The following ZNF12 variants were observed in gnomAD, a reference collection of about 807,000 sequenced individuals.
ZNF12 encodes gonadotropin inducible transcription repressor 3.
In ZNF12, 34 loss-of-function variants were observed where a neutral mutation model predicts 66.6. That is an observed-to-expected ratio of 0.51 (90% CI 0.39 to 0.68). The LOEUF (loss-of-function observed/expected upper bound fraction) is 0.68, where lower values mean the gene tolerates loss of function less well. Ranked by LOEUF, ZNF12 falls within the 30% of genes least tolerant of loss-of-function variation. ZNF12 has a pLI of 0.00. For missense variants in ZNF12, 697 were observed against 826.9 expected, an observed-to-expected ratio of 0.84 and a Z score of 1.93; for synonymous variants, 320 against 278.9, an observed-to-expected ratio of 1.15 and a Z score of -1.47.
At position 6,705,899 on chromosome 7, in the gene ZNF12, C is replaced by T. The variant is rs1780347669; in HGVS notation, c.-51+533G>A. Among the ~76,000 whole-genome samples the T allele has an allele frequency of 6.6e-6, 1 of 152,114 alleles. No homozygotes were observed. The highest frequency in any genetic ancestry group is 2.4e-5 in the African/African-American group (1 of 41,402). ...ACTTCAGTGTGCTACTCAAAAGGATCTTTTATTGAAGAACTTACGCTCACT... is the reference window on the plus strand; with the variant it reads ...ACTTCAGTGTGCTACTCAAAAGGATTTTTTATTGAAGAACTTACGCTCACT... On this transcript the variant is annotated intron_variant, in intron 1 of 4. Transcript: ENST00000405858. The surrounding 1 kb of genome is among the most constrained non-coding windows in gnomAD (Gnocchi z 4.0).
rs1161841091 is a variant in ZNF12 at position 6,696,854 on chromosome 7, G to C, written c.238+485C>G. The stretch of plus-strand genomic sequence containing the variant: ...GAAGCACAGGTGCACATGACAAGTA[G>C]CAGGATCCACTGGCTTAGGCACAGG... On this transcript the variant is annotated intron_variant, in intron 4 of 4. Transcript: ENST00000405858. The surrounding 1 kb of genome is among the most constrained non-coding windows in gnomAD (Gnocchi z 4.0). 2.0e-5 allele frequency among the ~76,000 whole-genome samples: 3 copies of C among 152,024 alleles called. No individual in the cohort carries two copies. Among genetic ancestry groups the C allele is most frequent in the African/African-American group, 7.2e-5 (3 of 41,388 alleles).
Position 6,706,650 on chromosome 7 carries a change from CG to C in ZNF12, c.-270del. On this transcript the variant is annotated 5_prime_UTR_variant, in exon 1 of 5. Coordinates refer to ENST00000405858, the MANE Select transcript of ZNF12 (RefSeq NM_016265.4). ...CCTGGGGCTCACCGTCCTGCGGAGC[CG>C]GGGCCGGGCCGTCGAGGACGCACAC... The C allele has an allele frequency of 2.7e-6, 1 of 373,380 alleles. No homozygotes were observed. The highest frequency in any genetic ancestry group is 1.9e-5 in the South Asian group (1 of 53,210). 23.1% of individuals were successfully genotyped at this position (373,380 alleles called of 1,614,324 possible). A position where few individuals can be genotyped will look rare whatever the true frequency, so the allele number is the denominator to read the frequency against.
Position 6,705,313 on chromosome 7 carries a change from C to A in ZNF12, c.-50-90G>T. 2.2e-6 allele frequency: 2 copies of A among 917,894 alleles called. No individual in the cohort carries two copies. The highest frequency in any genetic ancestry group is 1.5e-5 in the South Asian group (1 of 67,228). 56.9% of individuals were successfully genotyped at this position (917,894 alleles called of 1,614,324 possible). On this transcript the variant is annotated intron_variant, in intron 1 of 4. Coordinates refer to ENST00000405858, the MANE Select transcript of ZNF12 (RefSeq NM_016265.4). The surrounding 1 kb of genome is among the most constrained non-coding windows in gnomAD (Gnocchi z 4.0). The stretch of plus-strand genomic sequence containing the variant: ...CGCCCAAAACCTACACAGAAAGTTC[C>A]AAGAAGTACATCTTGTGGGAGACTG...
chr7:6,690,881 A>G lies in ZNF12; in HGVS notation c.2061T>C (p.Asn687=), dbSNP rs758207337. 6.2e-7 allele frequency: 1 copy of G among 1,613,502 alleles called. No individual in the cohort carries two copies. Residue 687 remains asparagine, a synonymous_variant, in exon 5 of 5, where the codon AAT becomes AAC. Coordinates refer to ENST00000405858, the MANE Select transcript of ZNF12 (RefSeq NM_016265.4). ...GCCTTCCCACATCTATTACATTCATATTGCCTCTCCTATGAATTCTCTGAT... is the reference window on the plus strand; with the variant it reads ...GCCTTCCCACATCTATTACATTCATGTTGCCTCTCCTATGAATTCTCTGAT... ...NSHQRIHRRG[N]MNVIDVGRLL
At chr7:6,695,969 A>C (rs960697403) in intron 4 of ZNF12, among the ~76,000 whole-genome samples, 3 of 152,234 alleles carry the variant, frequency 2.0e-5, no homozygotes, top group African/African-American at 4.8e-5. Flanking sequence ...AGTTTTGGGG[A>C]AACAACAGAA....
rs139300170 is a variant in ZNF12, at chr7:6,698,430, C to T, written c.16-619G>A. ...AGGCCTCTCTCCTAAATTCCAGACA[C>T]ATATGTCCCAGATGGCAAACTCAAC... is the stretch of plus-strand genomic sequence containing the variant. On this transcript the variant is annotated intron_variant, in intron 2 of 4. Transcript: ENST00000405858. The surrounding 1 kb of genome is among the most constrained non-coding windows in gnomAD (Gnocchi z 4.4). Among the ~76,000 whole-genome samples the T allele has an allele frequency of 3.4e-3, 513 of 152,318 alleles. No individual in the cohort carries two copies. The highest frequency in any genetic ancestry group is 0.012 in the African/African-American group (479 of 41,560).
At chr7:6,699,597 C>T (rs1780203456) in intron 2 of ZNF12, among the ~76,000 whole-genome samples, 1 of 152,202 alleles carries the variant, frequency 6.6e-6, no homozygotes, top group Admixed American at 6.5e-5. Flanking sequence ...CGTCATCCAC[C>T]ATGAGGATCG....
In ZNF12 at chr7:6,690,863, C is replaced by G. The variant is rs754399735; in HGVS notation, c.2079G>C (p.Val693=). The change falls in exon 5 of 5, where the codon GTG becomes GTC. Residue 693 remains valine, a synonymous_variant. Transcript: ENST00000405858. The stretch of plus-strand genomic sequence containing the variant: ...AGGTCTGACTTCAGAGAAGCCTTCC[C>G]ACATCTATTACATTCATATTGCCTC... ...HRRGNMNVID[V]GRLL The G allele has an allele frequency of 1.9e-6, 3 of 1,609,910 alleles. No homozygotes were observed. Among genetic ancestry groups the G allele is most frequent in the Non-Finnish European group, 1.7e-6 (2 of 1,177,824 alleles).
chr7:6,689,281 A>G lies in ZNF12; in HGVS notation c.*1567T>C, dbSNP rs1411482024. ...CAGTATTTCTGCTCAGGCCATGATT[A>G]AACTATAATCCATTGCTGAAAGATG... On this transcript the variant is annotated 3_prime_UTR_variant, in exon 5 of 5. Coordinates refer to ENST00000405858, the MANE Select transcript of ZNF12 (RefSeq NM_016265.4). 1.3e-5 allele frequency: 2 copies of G among 152,238 alleles called. No individual in the cohort carries two copies. The highest frequency in any genetic ancestry group is 4.8e-5 in the African/African-American group (2 of 41,464). The allele number at this position is 152,238 out of a possible 1,614,324, so 9.4% of individuals were successfully genotyped here. A position where few individuals can be genotyped will look rare whatever the true frequency, so the allele number is the denominator to read the frequency against.
rs1197747225 is a variant in ZNF12 at position 6,706,497 on chromosome 7, G to T, written c.-116C>A. ...AGGCCGGGGCGGGATTGCTGTCGCGGGCGCGCGTCTGCTCGCGAGGTCCCT... is the reference window on the plus strand; with the variant it reads ...AGGCCGGGGCGGGATTGCTGTCGCGTGCGCGCGTCTGCTCGCGAGGTCCCT... On this transcript the variant is annotated 5_prime_UTR_variant, in exon 1 of 5. Transcript: ENST00000405858. The T allele has an allele frequency of 4.2e-6, 2 of 471,324 alleles. No homozygotes were observed. The allele number at this position is 471,324 out of a possible 1,614,324, so 29.2% of individuals were successfully genotyped here.
intron 2 of ZNF12, among the ~76,000 whole-genome samples, chr7:6,699,389 C>A (rs769130479): frequency 3.8e-4 from 58 of 152,210 alleles, no homozygotes; most frequent in Non-Finnish European, 6.9e-4. Context: ...TATCCACAGA[C>A]AGGCCTGGCT....
rs778750211 is a variant in ZNF12 at position 6,703,453 on chromosome 7, A to G, written c.15+1706T>C. Among the ~76,000 whole-genome samples the G allele has an allele frequency of 6.6e-5, 10 of 152,324 alleles. No homozygotes were observed. The Middle Eastern group carries it at 0.014, about 207-fold the overall frequency. The stretch of plus-strand genomic sequence containing the variant: ...CTAGAATATGACATGTACAAACTCA[A>G]AACAATCGCGAGGTCAGAAAATGGA... On this transcript the variant is annotated intron_variant, in intron 2 of 4. Transcript: ENST00000405858.
At position 6,696,147 on chromosome 7, in the gene ZNF12, T is replaced by C. The variant is rs1321453744; in HGVS notation, c.238+1192A>G. On this transcript the variant is annotated intron_variant, in intron 4 of 4. Coordinates refer to ENST00000405858, the MANE Select transcript of ZNF12 (RefSeq NM_016265.4). The surrounding 1 kb of genome is among the most constrained non-coding windows in gnomAD (Gnocchi z 4.0). ...GATGAAGACATACTGCAAATCCAGC[T>C]AGGACTCATAGCATGACAGCATCTA... Among the ~76,000 whole-genome samples, 1 of 152,160 alleles carries C rather than the reference T, an allele frequency of 6.6e-6. No homozygotes were observed. Among genetic ancestry groups the C allele is most frequent in the Non-Finnish European group, 1.5e-5 (1 of 68,016 alleles).
rs774945793 is a variant in ZNF12, at chr7:6,691,209, T to C, written c.1733A>G (p.Glu578Gly). 4 of 1,613,950 alleles carry C rather than the reference T, an allele frequency of 2.5e-6. No individual in the cohort carries two copies. The highest frequency in any genetic ancestry group is 3.4e-6 in the Non-Finnish European group (4 of 1,179,988). The change falls in exon 5 of 5, where the codon GAA becomes GGA. Residue 578 changes from glutamate to glycine, a missense_variant. Physicochemically the swap from Glu to Gly is moderately conservative, Grantham distance 98. This residue lies in a region of ZNF12 where 401 missense variants were observed against 519.0 expected (regional missense o/e 0.77). Coordinates refer to ENST00000405858, the MANE Select transcript of ZNF12 (RefSeq NM_016265.4). ...HRIHSGEKPY[E>G]CSECGKTFCQ... ...GAAGGTTTTCCCACATTCACTACAT[T>C]CATAGGGCTTCTCTCCTGAATGAAT...
intron 4 of ZNF12, among the ~76,000 whole-genome samples, chr7:6,693,068 C>T (rs545429050): frequency 2.6e-5 from 4 of 152,178 alleles, no homozygotes; most frequent in South Asian, 2.1e-4. Context: ...CAGGGTAGAG[C>T]GATAAGGAGT....
rs1483632498 is a variant in ZNF12, at chr7:6,691,575, T to A, written c.1367A>T (p.Tyr456Phe). Residue 456 changes from tyrosine to phenylalanine, a missense_variant, in exon 5 of 5, where the codon TAT (tyrosine) becomes TTT (phenylalanine). Around this residue, in one of 3 missense-constraint regions of ZNF12, gnomAD observed 401 missense variants for 519.0 expected, o/e 0.77. Transcript: ENST00000405858. ...GGGTTTCTCTCCTGAATGAGTTCTATAATGTACAGTGAGATATGACAACCG... is the reference window on the plus strand; with the variant it reads ...GGGTTTCTCTCCTGAATGAGTTCTAAAATGTACAGTGAGATATGACAACCG... ...FSRLSYLTVH[Y>F]RTHSGEKPYE... 1 of 1,614,066 alleles carries A rather than the reference T, an allele frequency of 6.2e-7. No individual in the cohort carries two copies. The highest frequency in any genetic ancestry group is 1.3e-5 in the African/African-American group (1 of 74,942).
chr7:6,691,190 T>C lies in ZNF12; in HGVS notation c.1752A>G (p.Lys584=). The change falls in exon 5 of 5, where the codon AAA becomes AAG. Residue 584 remains lysine, a synonymous_variant. Coordinates refer to ENST00000405858, the MANE Select transcript of ZNF12 (RefSeq NM_016265.4). ...TAAGGGCTGAATTCTGGCAGAAGGT[T>C]TTCCCACATTCACTACATTCATAGG... is the stretch of plus-strand genomic sequence containing the variant. ...EKPYECSECG[K]TFCQNSALNR... is the part of the protein sequence containing the mutation. 6.2e-7 allele frequency: 1 copy of C among 1,614,104 alleles called. No individual in the cohort carries two copies. The highest frequency in any genetic ancestry group is 8.5e-7 in the Non-Finnish European group (1 of 1,179,990).
In ZNF12 at chr7:6,705,331, G is replaced by T; in HGVS notation, c.-50-108C>A. The T allele has an allele frequency of 1.3e-6, 1 of 745,736 alleles. No individual in the cohort carries two copies. The highest frequency in any genetic ancestry group is 2.2e-6 in the Non-Finnish European group (1 of 451,564). The allele number at this position is 745,736 out of a possible 1,614,324, so 46.2% of individuals were successfully genotyped here. The stretch of plus-strand genomic sequence containing the variant: ...AAAGTTCCAAGAAGTACATCTTGTG[G>T]GAGACTGTCCCTTTAAGCCTTCAGA... On this transcript the variant is annotated intron_variant, in intron 1 of 4. Transcript: ENST00000405858. This position sits in a 1 kb window ranked among gnomAD's most constrained non-coding sequence, Gnocchi z 4.0.
chr7:6,699,997 C>A (rs1394647604), intron 2 of ZNF12, among the ~76,000 whole-genome samples: 1 of 151,708 alleles, frequency 6.6e-6, no homozygotes, highest in East Asian at 1.9e-4. Flanking sequence ...AAAAATATGC[C>A]AGGGACGGCC....
Sources: gnomAD v4.1 joint callset for allele counts (sites outside exome capture counted in the v4.1 genomes callset) on GRCh38, gnomAD v4.1.1 for gene constraint, gnomAD v4.1.1 regional missense constraint, Gnocchi (gnomAD v3.1) non-coding constraint, MANE v1.5 for transcripts, NCBI Gene and HGNC (gene_info 2026-07-23, HGNC 2026-07-21) for gene names.